Variants in SNX7 observed in about 807,000 individuals in gnomAD.
SNX7 encodes sorting nexin 7, also known as sorting nexin-7.
In SNX7, 35 loss-of-function variants were observed where a neutral mutation model predicts 48.4. The observed-to-expected ratio is 0.72, with a 90% CI of 0.55 to 0.96. SNX7 has a LOEUF of 0.96. SNX7 is among the 40% of genes least tolerant of loss of function. The pLI, the probability that SNX7 is intolerant of heterozygous loss-of-function variation, is 0.00. For missense variants in SNX7, 553 were observed against 548.9 expected (o/e 1.01, Z -0.07); for synonymous variants, 190 against 190.2 (o/e 1.00, Z 0.01).
chr1:98,750,257 G>A (rs1444762063), intron 8 of SNX7, among the ~76,000 whole-genome samples: 1 of 151,938 alleles, frequency 6.6e-6, no homozygotes, highest in Non-Finnish European at 1.5e-5. Flanking sequence ...TCAACAGTGT[G>A]GTGTCATTAC....
At chr1:98,682,625 A>G (rs539298548) in intron 1 of SNX7, among the ~76,000 whole-genome samples, 1 of 152,190 alleles carries the variant, frequency 6.6e-6, no homozygotes, top group African/African-American at 2.4e-5. Context: ...CAGCATCACC[A>G]TTTAAGAACT....
At chr1:98,749,628 A>G (rs1275552665) in intron 8 of SNX7, among the ~76,000 whole-genome samples, 1 of 152,114 alleles carries the variant, frequency 6.6e-6, no homozygotes, top group Non-Finnish European at 1.5e-5. Context: ...TTCTCTGGCA[A>G]TATCAACTCT....
At chr1:98,750,280 C>A (rs1654516765) in intron 8 of SNX7, among the ~76,000 whole-genome samples, 1 of 151,834 alleles carries the variant, frequency 6.6e-6, no homozygotes, top group South Asian at 2.1e-4. Flanking sequence ...ATGGCGATAT[C>A]AACTTGTTAT....
rs766936570 is a variant in SNX7, at chr1:98,691,088, A to T, written c.377A>T (p.Glu126Val). Residue 126 changes from glutamate to valine, a missense_variant, in exon 3 of 9, where the codon GAA becomes GTA. Glu to Val is a moderately radical substitution (Grantham distance 121). Transcript: ENST00000306121. ...TACTTTCTTCAGACATCTCGTGGGG[A>T]ATTTGACTCCAGTGAATTTGAAGTT... ...YRIITKTSRG[E>V]FDSSEFEVRR... The T allele has an allele frequency of 6.2e-7, 1 of 1,605,636 alleles. No homozygotes were observed. The highest frequency in any genetic ancestry group is 1.3e-5 in the African/African-American group (1 of 74,442).
At chr1:98,691,946 C>T (rs1184695435) in intron 4 of SNX7, among the ~76,000 whole-genome samples, 1 of 140,796 alleles carries the variant, frequency 7.1e-6, no homozygotes, top group East Asian at 1.9e-4. Flanking sequence ...CACTCTCTCT[C>T]TCTCTCTCTC....
intron 8 of SNX7, among the ~76,000 whole-genome samples, chr1:98,748,855 C>A (rs1371483572): frequency 1.3e-5 from 2 of 152,084 alleles, no homozygotes; most frequent in Non-Finnish European, 2.9e-5. Flanking sequence ...TTCACATACA[C>A]CCCTTACAAG....
At chr1:98,661,557 G>A (rs1430768402), upstream of SNX7, 1 of 474,314 alleles carries the variant, frequency 2.1e-6, no homozygotes, top group Non-Finnish European at 3.1e-6. Flanking sequence ...AGGCCAGGTG[G>A]GGATGCGCCC....
rs767763483 is a variant in SNX7 at position 98,746,999 on chromosome 1, CTTAA to C, written c.1278+8617_1278+8620del. Among the ~76,000 whole-genome samples the C allele has an allele frequency of 3.9e-5, 6 of 151,904 alleles. No homozygotes were observed. The East Asian group carries it at 1.2e-3, about 29-fold the overall frequency. On this transcript the variant is annotated intron_variant, in intron 8 of 8. Coordinates refer to ENST00000306121, the MANE Select transcript of SNX7 (RefSeq NM_015976.5). Reference sequence around the variant, plus strand: ...TTCTGGGTATTTGTTTTGGTGACCTCTTAATTAATTTTGAAAAAAACTTAATTTT... The same window carrying C: ...TTCTGGGTATTTGTTTTGGTGACCTCTTAATTTTGAAAAAAACTTAATTTT...
chr1:98,757,923 G>A (rs1170232172), intron 8 of SNX7, among the ~76,000 whole-genome samples: 1 of 152,026 alleles, frequency 6.6e-6, no homozygotes, highest in African/African-American at 2.4e-5. Flanking sequence ...TGCATTCAGT[G>A]ATTACTTCCA....
At chr1:98,697,126 C>T (rs574916434) in intron 5 of SNX7, among the ~76,000 whole-genome samples, 4 of 151,958 alleles carry the variant, frequency 2.6e-5, no homozygotes, top group Non-Finnish European at 5.9e-5. Flanking sequence ...TCTCAATTGA[C>T]TCAATTGAGA....
rs966837859 is a variant in SNX7, at chr1:98,691,325, T to C, written c.474+140T>C. On this transcript the variant is annotated intron_variant, in intron 3 of 8. Transcript: ENST00000306121. ...GGAATAATATTTATTTCTAAGTGTTTCAATCAATGTACATTTTTTTTTTAA... is the reference window on the plus strand; with the variant it reads ...GGAATAATATTTATTTCTAAGTGTTCCAATCAATGTACATTTTTTTTTTAA... 18 of 579,316 alleles carry C rather than the reference T, an allele frequency of 3.1e-5. No individual in the cohort carries two copies. In the African/African-American group the frequency reaches 3.3e-4, roughly 11 times the overall value. The allele number at this position is 579,316 out of a possible 1,614,324, so 35.9% of individuals were successfully genotyped here.
intron 2 of SNX7, among the ~76,000 whole-genome samples, chr1:98,686,459 T>C (rs991255769): frequency 3.9e-5 from 6 of 152,202 alleles, no homozygotes; most frequent in African/African-American, 1.4e-4. Flanking sequence ...TACCTGTATG[T>C]GAATAGATGT....
chr1:98,661,859 C>G lies in SNX7; in HGVS notation c.128C>G (p.Ala43Gly). 8.0e-7 allele frequency: 1 copy of G among 1,246,826 alleles called. No homozygotes were observed. Among genetic ancestry groups the G allele is most frequent in the Non-Finnish European group, 1.0e-6 (1 of 987,436 alleles). 77.2% of individuals were successfully genotyped at this position (1,246,826 alleles called of 1,614,324 possible). A position where few individuals can be genotyped will look rare whatever the true frequency, so the allele number is the denominator to read the frequency against. Reference sequence around the variant, plus strand: ...AGTGGCTCTTCCGCCCTGCTGCAGGCGGAGGTGCTGGATCTGGACGAGGAC... The same window carrying G: ...AGTGGCTCTTCCGCCCTGCTGCAGGGGGAGGTGCTGGATCTGGACGAGGAC... ...GSSGSSALLQ[A>G]EVLDLDEDED... The change falls in exon 1 of 9, where the codon GCG becomes GGG. Residue 43 changes from alanine (A) to glycine (G), a missense_variant. By Grantham distance (60) the Ala-to-Gly change is moderately conservative (BLOSUM62 0). Coordinates refer to ENST00000306121, the MANE Select transcript of SNX7 (RefSeq NM_015976.5).
At chr1:98,663,556 G>T (rs1011930145) in intron 1 of SNX7, among the ~76,000 whole-genome samples, 2 of 151,920 alleles carry the variant, frequency 1.3e-5, no homozygotes, top group Non-Finnish European at 2.9e-5. Context: ...GGCGTGTTGG[G>T]GGTTGCTGGA....
intron 7 of SNX7, among the ~76,000 whole-genome samples, chr1:98,722,789 A>G (rs1652956014): frequency 1.2e-5 from 1 of 82,758 alleles, no homozygotes; most frequent in African/African-American, 4.2e-5. Context: ...AAGGAAAACA[A>G]TGATGATATT....
chr1:98,754,885 A>G (rs1654766019), intron 8 of SNX7, among the ~76,000 whole-genome samples: 1 of 151,312 alleles, frequency 6.6e-6, no homozygotes, highest in Non-Finnish European at 1.5e-5. Context: ...TTTTCAAGGT[A>G]AAGACTAAAG....
At chr1:98,738,120 AAAC>A in intron 7 of SNX7, 114 bp from the exon 8 acceptor site, 1 of 1,092,988 alleles carries the variant, frequency 9.1e-7, no homozygotes, top group South Asian at 1.6e-5. Context: ...TGGTGATTAA[AAAC>A]AAAAAAGAGT....
At chr1:98,703,783 AAATTGT>A (rs779958512) in intron 7 of SNX7, among the ~76,000 whole-genome samples, 169 of 152,158 alleles carry the variant, frequency 1.1e-3, no homozygotes, top group Non-Finnish European at 2.1e-3. Context: ...ATGTGTATAG[AAATTGT>A]AATTGCATCT....
chr1:98,748,861 AC>A (rs1242606178), intron 8 of SNX7, among the ~76,000 whole-genome samples: 1 of 152,096 alleles, frequency 6.6e-6, no homozygotes, highest in Non-Finnish European at 1.5e-5. Context: ...TACACCCCTT[AC>A]AAGTCTTTAG....
Sources: allele counts gnomAD v4.1 joint callset (sites outside exome capture counted in the v4.1 genomes callset), GRCh38; gene constraint gnomAD v4.1.1; transcripts MANE v1.5; gene names NCBI Gene and HGNC (gene_info 2026-07-23, HGNC 2026-07-21).